SPDL1: variants seen among roughly 807,000 people sequenced by gnomAD.
SPDL1 encodes the protein protein Spindly.
In SPDL1, 85 loss-of-function variants were observed where a neutral mutation model predicts 79.5. The observed-to-expected ratio is 1.07, with a 90% CI of 0.90 to 1.28. The LOEUF (loss-of-function observed/expected upper bound fraction) is 1.28. SPDL1 is among the 50% of genes most tolerant of loss of function. The probability of loss-of-function intolerance (pLI) is 0.00; values close to 1 mark genes in which losing one functional copy is unlikely to be tolerated. For synonymous variants in SPDL1, 269 were observed against 240.3 expected (o/e 1.12, Z -1.10); for missense variants, 703 against 697.8 (o/e 1.01, Z -0.08).
At chr5:169,593,636 A>G (rs1290010795) in intron 4 of SPDL1, 88 bp downstream of exon 4, 33 of 1,331,346 alleles carry the variant, frequency 2.5e-5, no homozygotes, top group Non-Finnish European at 3.2e-5. Context: ...CTTAAGAGCT[A>G]GTTTGAAGGC....
chr5:169,584,109 C>G lies in SPDL1; in HGVS notation c.-24+220C>G, dbSNP rs154034. The G allele has an allele frequency of 0.65, 99,121 of 152,122 alleles. 32,601 individuals are homozygous for G. Among genetic ancestry groups the G allele is most frequent in the East Asian group, 0.73 (3,786 of 5,158 alleles). The allele number at this position is 152,122 out of a possible 1,614,324, so 9.4% of individuals were successfully genotyped here. A position where few individuals can be genotyped will look rare whatever the true frequency, so the allele number is the denominator to read the frequency against. ...TCAGGGATTCTGGACAAATATGGAA[C>G]GTTGGGTCGGTTGCCGGGTCCTCAA... On this transcript the variant is annotated intron_variant, in intron 1 of 11. Coordinates refer to ENST00000265295, the MANE Select transcript of SPDL1 (RefSeq NM_017785.5).
At chr5:169,596,537 G>T in intron 7 of SPDL1, 24 bp from the exon 8 acceptor site, 1 of 1,593,076 alleles carries the variant, frequency 6.3e-7, no homozygotes, top group Non-Finnish European at 8.6e-7. Context: ...AATTTTATTA[G>T]AGGGGGTAAT....
At chr5:169,597,415 T>A (rs187024918) in intron 8 of SPDL1, among the ~76,000 whole-genome samples, 2 of 152,294 alleles carry the variant, frequency 1.3e-5, no homozygotes, top group African/African-American at 4.8e-5. Flanking sequence ...AAATTTTCTG[T>A]CTACGCCATT....
chr5:169,594,500 T>A lies in SPDL1; in HGVS notation c.780+8T>A, dbSNP rs770957827. 1 of 1,613,200 alleles carries A rather than the reference T, an allele frequency of 6.2e-7. No homozygotes were observed. Among genetic ancestry groups the A allele is most frequent in the Non-Finnish European group, 8.5e-7 (1 of 1,179,238 alleles). On this transcript the variant is annotated splice_region_variant and intron_variant, in intron 6 of 11. Coordinates refer to ENST00000265295, the MANE Select transcript of SPDL1 (RefSeq NM_017785.5). ...AACTCTTTGTTTGCAGAGGTACTTA[T>A]AAGTATCCTAACTACTAAATTGGTA...
At chr5:169,592,374 C>T (rs1287824955) in intron 3 of SPDL1, among the ~76,000 whole-genome samples, 2 of 151,818 alleles carry the variant, frequency 1.3e-5, no homozygotes, top group East Asian at 1.9e-4. Flanking sequence ...TGCGCCACCA[C>T]GCCCAGCTAA....
Position 169,588,408 on chromosome 5 carries a change from G to A in SPDL1, c.-9G>A. 2 of 1,589,512 alleles carry A rather than the reference G, an allele frequency of 1.3e-6. No homozygotes were observed. Among genetic ancestry groups the A allele is most frequent in the Middle Eastern group, 1.7e-4 (1 of 5,908 alleles). ...TCTATTTACAGTTGGCTAAAAAAAA[G>A]AAAAGAACATGGAGGCAGATATAAT... is the stretch of plus-strand genomic sequence containing the variant. On this transcript the variant is annotated 5_prime_UTR_variant, in exon 2 of 12. Transcript: ENST00000265295.
intron 2 of SPDL1, among the ~76,000 whole-genome samples, chr5:169,590,263 G>A (rs987900638): frequency 6.6e-6 from 1 of 152,176 alleles, no homozygotes; most frequent in Non-Finnish European, 1.5e-5. Context: ...ACATAGTACT[G>A]TTGTAAACCA....
intron 1 of SPDL1, among the ~76,000 whole-genome samples, chr5:169,586,974 C>T (rs2113317515): frequency 6.6e-6 from 1 of 152,282 alleles, no homozygotes; most frequent in South Asian, 2.1e-4. Flanking sequence ...ATCTCTTAGC[C>T]AAATTTCACT....
intron 2 of SPDL1, chr5:169,590,657 C>A: frequency 2.2e-6 from 1 of 453,858 alleles, no homozygotes. Flanking sequence ...ATTACTACTA[C>A]ATTGTGTTCA....
chr5:169,588,046 T>C (rs992346668), intron 1 of SPDL1, among the ~76,000 whole-genome samples: 1 of 152,200 alleles, frequency 6.6e-6, no homozygotes, highest in Non-Finnish European at 1.5e-5. Context: ...ATTCCCTTAA[T>C]TTTGATTATA....
Position 169,598,966 on chromosome 5 carries a change from T to C in SPDL1, c.1137-6T>C, listed in dbSNP as rs1354932488. On this transcript the variant is annotated splice_polypyrimidine_tract_variant and splice_region_variant and intron_variant, in intron 9 of 11. Transcript: ENST00000265295. ...ACTCGTTGGTTCTCCTTTTTTATTA[T>C]CATAGCAAAGAAATTGAAAGCACTA... The C allele has an allele frequency of 1.3e-6, 2 of 1,525,826 alleles. No individual in the cohort carries two copies. The highest frequency in any genetic ancestry group is 1.4e-5 in the African/African-American group (1 of 71,716). 94.5% of individuals were successfully genotyped at this position (1,525,826 alleles called of 1,614,324 possible).
At position 169,596,560 on chromosome 5, in the gene SPDL1, G is replaced by A; in HGVS notation, c.892-1G>A. ...TAGAGGGGGTAATTTTATTTTTCTA[G>A]TTACAAATTGCCACGTTGCTACAGA... On this transcript the variant is annotated splice_acceptor_variant, in intron 7 of 11. Coordinates refer to ENST00000265295, the MANE Select transcript of SPDL1 (RefSeq NM_017785.5). LOFTEE classifies it high-confidence loss of function. 1 of 1,604,172 alleles carries A rather than the reference G, an allele frequency of 6.2e-7. No individual in the cohort carries two copies. The highest frequency in any genetic ancestry group is 1.1e-5 in the South Asian group (1 of 89,060).
intron 11 of SPDL1, 98 bp downstream of exon 11, chr5:169,601,723 AC>A: frequency 9.1e-7 from 1 of 1,098,418 alleles, no homozygotes; most frequent in South Asian, 1.3e-5. Flanking sequence ...CTACTTTCTT[AC>A]AATTGCATGC....
intron 1 of SPDL1, among the ~76,000 whole-genome samples, chr5:169,585,522 G>A (rs1754945950): frequency 6.6e-6 from 1 of 152,144 alleles, no homozygotes; most frequent in South Asian, 2.1e-4. Flanking sequence ...TGAGATGACA[G>A]TATTTACTTA....
intron 2 of SPDL1, chr5:169,590,633 T>G: frequency 2.3e-6 from 1 of 427,806 alleles, no homozygotes; most frequent in South Asian, 1.7e-5. Context: ...AGTATTTCTT[T>G]TTTTTCAACT....
chr5:169,602,680 A>G (rs1334646878), intron 11 of SPDL1, among the ~76,000 whole-genome samples: 1 of 152,232 alleles, frequency 6.6e-6, no homozygotes, highest in Non-Finnish European at 1.5e-5. Flanking sequence ...CACTTTAACA[A>G]TGTTAGCTGC....
At chr5:169,584,526 A>T (rs1326336283) in intron 1 of SPDL1, among the ~76,000 whole-genome samples, 1 of 152,162 alleles carries the variant, frequency 6.6e-6, no homozygotes, top group African/African-American at 2.4e-5. Flanking sequence ...GTTTTTATAG[A>T]TGATTAAACC....
At chr5:169,589,953 G>A (rs919136426) in intron 2 of SPDL1, among the ~76,000 whole-genome samples, 1 of 152,050 alleles carries the variant, frequency 6.6e-6, no homozygotes, top group Admixed American at 6.6e-5. Flanking sequence ...TCTGCCTGCC[G>A]AAGTGCTGGG....
rs1256218988 is a variant in SPDL1, at chr5:169,604,471, T to A, written c.*264T>A. Reference sequence around the variant, plus strand: ...AAAATGTTATAATTAATGTATCTATTTGCTGCATTGTATATGGATTAAATG... The same window carrying A: ...AAAATGTTATAATTAATGTATCTATATGCTGCATTGTATATGGATTAAATG... On this transcript the variant is annotated 3_prime_UTR_variant, in exon 12 of 12. Transcript: ENST00000265295. 4.5e-6 allele frequency: 1 copy of A among 220,522 alleles called. No individual in the cohort carries two copies. The highest frequency in any genetic ancestry group is 8.9e-6 in the Non-Finnish European group (1 of 112,902). 13.7% of individuals were successfully genotyped at this position (220,522 alleles called of 1,614,324 possible).
Sources: gnomAD v4.1 joint callset for allele counts (sites outside exome capture counted in the v4.1 genomes callset) on GRCh38, gnomAD v4.1.1 for gene constraint, MANE v1.5 for transcripts, NCBI Gene and HGNC (gene_info 2026-07-23, HGNC 2026-07-21) for gene names.